PATJ: variants seen among roughly 807,000 people sequenced by gnomAD.
PATJ encodes the protein inaD-like protein.
In PATJ, 190 loss-of-function variants were observed where a neutral mutation model predicts 224.9. That is an observed-to-expected ratio of 0.84 (90% CI 0.75 to 0.95). The LOEUF (loss-of-function observed/expected upper bound fraction) is 0.95, where lower values mean the gene tolerates loss of function less well. PATJ is among the 40% of genes least tolerant of loss of function. PATJ has a pLI of 0.00. For synonymous variants in PATJ, 769 were observed against 820.3 expected (o/e 0.94, Z 1.07); for missense variants, 2,121 against 2,270.3 (o/e 0.93, Z 1.34).
At chr1:62,123,547 G>A (rs9662713) in intron 39 of PATJ, among the ~76,000 whole-genome samples, 24,038 of 141,642 alleles carry the variant, frequency 0.17, 3,307 homozygotes, top group East Asian at 0.73. Flanking sequence ...GTGCGATCTC[G>A]GCTCACTGCA....
intron 26 of PATJ, among the ~76,000 whole-genome samples, chr1:61,920,724 T>TTC (rs1242326342): frequency 2.1e-5 from 3 of 145,190 alleles, no homozygotes; most frequent in African/African-American, 8.1e-5. Context: ...TTTTTTTTTT[T>TTC]TGAGACAGAG....
At chr1:61,872,795 G>A (rs921717450) in intron 20 of PATJ, among the ~76,000 whole-genome samples, 1 of 152,140 alleles carries the variant, frequency 6.6e-6, no homozygotes, top group Non-Finnish European at 1.5e-5. Flanking sequence ...CCACTACAGT[G>A]TTCTTTCTGT....
At chr1:62,048,085 T>C (rs1432748694) in intron 30 of PATJ, among the ~76,000 whole-genome samples, 7 of 152,204 alleles carry the variant, frequency 4.6e-5, no homozygotes, top group Non-Finnish European at 8.8e-5. Flanking sequence ...CTGGAGTTGT[T>C]TAGCAAGTGA....
intron 7 of PATJ, among the ~76,000 whole-genome samples, chr1:61,777,858 CCA>C (rs1309285087): frequency 6.6e-6 from 1 of 151,738 alleles, no homozygotes; most frequent in Non-Finnish European, 1.5e-5. Flanking sequence ...CAGGCATGTA[CCA>C]CCATGCTAGG....
chr1:61,810,373 G>C (rs191529990), intron 14 of PATJ, among the ~76,000 whole-genome samples: 98 of 152,090 alleles, frequency 6.4e-4, no homozygotes, highest in African/African-American at 2.3e-3. Flanking sequence ...TCAATATATT[G>C]AGAGGGATTT....
At chr1:62,113,896 AAGCAGCTCATAC>A (rs1664146153) in intron 34 of PATJ, among the ~76,000 whole-genome samples, 145 bp from the exon 35 acceptor site, 1 of 152,184 alleles carries the variant, frequency 6.6e-6, no homozygotes, top group Non-Finnish European at 1.5e-5. Flanking sequence ...TTTATATTCA[AAGCAGCTCATAC>A]TGCTTGTGGT....
chr1:61,853,597 G>A (rs1433347477), intron 17 of PATJ, among the ~76,000 whole-genome samples: 1 of 152,142 alleles, frequency 6.6e-6, no homozygotes, highest in Non-Finnish European at 1.5e-5. Flanking sequence ...TAATTGTACA[G>A]CTTATTTATT....
intron 22 of PATJ, among the ~76,000 whole-genome samples, chr1:61,890,910 T>G (rs1055734188): frequency 1.3e-5 from 2 of 152,122 alleles, no homozygotes; most frequent in African/African-American, 4.8e-5. Flanking sequence ...GCCTTGCCAA[T>G]AGTAAACGTT....
At chr1:62,061,911 G>A (rs1366655797) in intron 31 of PATJ, among the ~76,000 whole-genome samples, 6 of 151,962 alleles carry the variant, frequency 3.9e-5, no homozygotes, top group East Asian at 3.9e-4. Flanking sequence ...CACCCGCCTC[G>A]GCCTCCCAAA....
intron 9 of PATJ, among the ~76,000 whole-genome samples, chr1:61,793,656 C>T (rs1173425221): frequency 4.1e-5 from 6 of 148,112 alleles, no homozygotes; most frequent in Middle Eastern, 3.5e-3. Context: ...GCAGAGGCTG[C>T]AGTGAGCCGT....
intron 7 of PATJ, among the ~76,000 whole-genome samples, chr1:61,776,728 C>CT (rs34101329): frequency 0.095 from 13,527 of 142,258 alleles, 697 homozygotes; most frequent in Middle Eastern, 0.11. Flanking sequence ...GATTAATCTA[C>CT]TTTTTTTTTT....
intron 20 of PATJ, among the ~76,000 whole-genome samples, chr1:61,871,070 G>GTTTTTTTTT (rs1247341544): frequency 2.6e-5 from 2 of 78,120 alleles, no homozygotes; most frequent in Non-Finnish European, 5.4e-5. Flanking sequence ...TTTGGTTTTT[G>GTTTTTTTTT]TTTTTTTTGT....
At chr1:61,935,744 T>C (rs1053850336) in intron 27 of PATJ, among the ~76,000 whole-genome samples, 3 of 152,214 alleles carry the variant, frequency 2.0e-5, no homozygotes, top group Non-Finnish European at 4.4e-5. Flanking sequence ...TGAGCCATGA[T>C]TGTGCCACTA....
At chr1:62,044,351 G>A (rs1268484027) in intron 30 of PATJ, among the ~76,000 whole-genome samples, 1 of 152,076 alleles carries the variant, frequency 6.6e-6, no homozygotes, top group East Asian at 1.9e-4. Context: ...AATCCCAGAG[G>A]GTCTGAATTT....
At chr1:61,946,289 G>T (rs1357140674) in intron 27 of PATJ, among the ~76,000 whole-genome samples, 1 of 151,974 alleles carries the variant, frequency 6.6e-6, no homozygotes, top group East Asian at 1.9e-4. Flanking sequence ...CTGATTTTTT[G>T]AAAAGATCAA....
chr1:61,884,790 T>C lies in PATJ; in HGVS notation c.3131+382T>C, dbSNP rs1668593860. On this transcript the variant is annotated intron_variant, in intron 22 of 43. Coordinates refer to ENST00000642238, the MANE Select transcript of PATJ (RefSeq NM_001350145.3). ...GAGTGTAAAAGGGGGTAGTTGAGGA[T>C]GACTTGTGTTTTTGGACTAGGAAAC... Among the ~76,000 whole-genome samples the C allele has an allele frequency of 3.9e-5, 6 of 152,138 alleles. No individual in the cohort carries two copies. The South Asian group carries it at 1.2e-3, about 31-fold the overall frequency.
At chr1:62,155,997 G>C (rs563196577) in intron 43 of PATJ, among the ~76,000 whole-genome samples, 103 of 136,512 alleles carry the variant, frequency 7.5e-4, no homozygotes, top group Non-Finnish European at 1.2e-3. Context: ...GGCGGAGCTT[G>C]CAGTGAGCCG....
intron 43 of PATJ, 91 bp from the exon 44 acceptor site, chr1:62,160,817 T>G (rs1300279606): frequency 3.7e-6 from 5 of 1,359,262 alleles, no homozygotes; most frequent in Non-Finnish European, 2.0e-6. Context: ...TCTTTTAATA[T>G]GCACACCAGA....
In PATJ at chr1:61,775,265, TG is replaced by T. The variant is rs1434163834; in HGVS notation, c.782del (p.Gly261GlufsTer2). ...LINDGSGLGF[G>X]IVGGKTSGVV... ...TTAATGATGGCTCTGGACTAGGTTT[TG>T]GAATAGTTGGAGGAAAAACAAGTGG... is the stretch of plus-strand genomic sequence containing the variant. On this transcript the variant is annotated frameshift_variant, in exon 7 of 44. Transcript: ENST00000642238. LOFTEE classifies it high-confidence loss of function. 6.2e-7 allele frequency: 1 copy of T among 1,613,994 alleles called. No individual in the cohort carries two copies. Among genetic ancestry groups the T allele is most frequent in the African/African-American group, 1.3e-5 (1 of 75,058 alleles).
Sources: allele counts gnomAD v4.1 joint callset (sites outside exome capture counted in the v4.1 genomes callset), GRCh38; gene constraint gnomAD v4.1.1; transcripts MANE v1.5; gene names NCBI Gene and HGNC (gene_info 2026-07-23, HGNC 2026-07-21).